The following TASP1 variants were observed in gnomAD, a reference collection of about 807,000 sequenced individuals.
The protein encoded by TASP1 is taspase 1.
In TASP1, 16 loss-of-function variants were observed where a neutral mutation model predicts 56.6. The observed-to-expected ratio is 0.28, with a 90% CI of 0.19 to 0.43. The LOEUF (loss-of-function observed/expected upper bound fraction) is 0.43, where lower values mean the gene tolerates loss of function less well. TASP1 is among the 20% of genes least tolerant of loss of function. TASP1 has a pLI of 1.00. For synonymous variants in TASP1, 179 were observed against 184.2 expected, an observed-to-expected ratio of 0.97 and a Z score of 0.23; for missense variants, 393 against 511.6, an observed-to-expected ratio of 0.77 and a Z score of 2.24.
At chr20:13,530,762 C>T (rs2045189687) in intron 9 of TASP1, among the ~76,000 whole-genome samples, 1 of 152,076 alleles carries the variant, frequency 6.6e-6, no homozygotes, top group South Asian at 2.1e-4. Context: ...TCTTCTTAAC[C>T]TTCTGAAATT....
rs1464675576 is a variant in TASP1 at position 13,390,316 on chromosome 20, G to A, written c.*44C>T. Reference sequence around the variant, plus strand: ...TCAGTTAAAAACCCCCAAAAGCTCAGGTTCTGAAATGCCTCTGAGACGCTT... The same window carrying A: ...TCAGTTAAAAACCCCCAAAAGCTCAAGTTCTGAAATGCCTCTGAGACGCTT... On this transcript the variant is annotated 3_prime_UTR_variant, in exon 14 of 14. Transcript: ENST00000337743. 1.3e-6 allele frequency: 2 copies of A among 1,566,952 alleles called. No homozygotes were observed. The highest frequency in any genetic ancestry group is 8.8e-7 in the Non-Finnish European group (1 of 1,141,822).
At chr20:13,480,761 A>G (rs1043294623) in intron 11 of TASP1, among the ~76,000 whole-genome samples, 4 of 152,204 alleles carry the variant, frequency 2.6e-5, no homozygotes, top group African/African-American at 9.7e-5. Context: ...ATGTGCCATA[A>G]TTACACATCC....
the TASP1 span, among the ~76,000 whole-genome samples, chr20:13,236,582 A>G: frequency 2.0e-5 from 3 of 152,206 alleles, no homozygotes; most frequent in Admixed American, 6.5e-5. Flanking sequence ...TCCACAGTCC[A>G]AAGTCTCATC....
chr20:13,374,176 T>C, the TASP1 span, among the ~76,000 whole-genome samples: 83 of 152,314 alleles, frequency 5.4e-4, no homozygotes, highest in African/African-American at 1.8e-3. Context: ...TTTTAAAAAT[T>C]CTTTGAGCAT....
intron 13 of TASP1, chr20:13,392,956 A>T (rs747912948): frequency 1.3e-5 from 8 of 604,782 alleles, no homozygotes; most frequent in Non-Finnish European, 2.5e-5. Context: ...TGCTGAGTAC[A>T]TTATGGAGCC....
chr20:13,377,840 G>C, the TASP1 span, among the ~76,000 whole-genome samples: 1 of 152,144 alleles, frequency 6.6e-6, no homozygotes, highest in Non-Finnish European at 1.5e-5. Flanking sequence ...ATTTCTTCTA[G>C]ATTTGCTAGT....
the TASP1 span, among the ~76,000 whole-genome samples, chr20:13,295,130 C>T: frequency 6.6e-6 from 1 of 152,208 alleles, no homozygotes; most frequent in Non-Finnish European, 1.5e-5. Flanking sequence ...GCTGGAGTCA[C>T]TGCTGATGTC....
the TASP1 span, among the ~76,000 whole-genome samples, chr20:13,143,304 C>T: frequency 1.3e-5 from 2 of 151,966 alleles, no homozygotes; most frequent in Non-Finnish European, 2.9e-5. Context: ...TAATAGTTTT[C>T]AATATTTGTG....
chr20:13,407,327 T>C (rs2041960508), intron 13 of TASP1, among the ~76,000 whole-genome samples: 1 of 152,206 alleles, frequency 6.6e-6, no homozygotes, highest in African/African-American at 2.4e-5. Context: ...AATCATACAC[T>C]ATGTGGCCAT....
intron 11 of TASP1, among the ~76,000 whole-genome samples, chr20:13,480,625 A>G (rs995426449): frequency 6.6e-6 from 1 of 152,202 alleles, no homozygotes; most frequent in African/African-American, 2.4e-5. Flanking sequence ...ATACGAAGCA[A>G]CAGAAAAGAG....
At chr20:13,576,350 A>AAAGG (rs993321970) in intron 6 of TASP1, among the ~76,000 whole-genome samples, 4 of 94,814 alleles carry the variant, frequency 4.2e-5, no homozygotes, top group East Asian at 5.5e-4. Flanking sequence ...AGGAAGAAAG[A>AAAGG]AAGAAAGAAA....
At chr20:13,204,948 C>T in the TASP1 span, among the ~76,000 whole-genome samples, 2 of 152,102 alleles carry the variant, frequency 1.3e-5, no homozygotes, top group East Asian at 3.9e-4. Context: ...CCCCTCAGGC[C>T]CAGACTCCCC....
intron 1 of TASP1, among the ~76,000 whole-genome samples, chr20:13,634,245 A>C (rs1240470393): frequency 6.6e-6 from 1 of 152,256 alleles, no homozygotes; most frequent in Non-Finnish European, 1.5e-5. Context: ...ATGTCATTAA[A>C]GAATATTGAA....
intron 3 of TASP1, 140 bp from the exon 4 acceptor site, chr20:13,623,654 C>T: frequency 3.5e-6 from 2 of 576,036 alleles, no homozygotes; most frequent in Non-Finnish European, 6.2e-6. Flanking sequence ...ACATAAACTA[C>T]TCAGATTAAA....
chr20:13,384,952 G>A (rs370812159), downstream of TASP1, among the ~76,000 whole-genome samples: 857 of 152,292 alleles, frequency 5.6e-3, 2 homozygotes, highest in Middle Eastern at 0.01. Flanking sequence ...TGGGTTTTGC[G>A]GGCAGAGGGG....
At chr20:13,619,558 T>C (rs2147505911) in intron 4 of TASP1, among the ~76,000 whole-genome samples, 1 of 152,312 alleles carries the variant, frequency 6.6e-6, no homozygotes, top group South Asian at 2.1e-4. Context: ...CCCAGTTCTA[T>C]ATCCAATTTT....
At chr20:13,596,746 T>A (rs978446178) in intron 4 of TASP1, among the ~76,000 whole-genome samples, 1 of 152,164 alleles carries the variant, frequency 6.6e-6, no homozygotes, top group African/African-American at 2.4e-5. Flanking sequence ...ATCCAGGAGC[T>A]GGTTTTTTGA....
rs181548751 is a variant in TASP1, at chr20:13,610,120, T to C, written c.282+13326A>G. On this transcript the variant is annotated intron_variant, in intron 4 of 13. Coordinates refer to ENST00000337743, the MANE Select transcript of TASP1 (RefSeq NM_017714.3). ...CCACAAGGGGGAAAGGATAAAAGAA[T>C]GAAGAGCAACTGCTTGATGAGTATG... is the stretch of plus-strand genomic sequence containing the variant. Among the ~76,000 whole-genome samples the C allele has an allele frequency of 7.9e-5, 12 of 152,276 alleles. No homozygotes were observed. In the East Asian group the frequency reaches 1.7e-3, roughly 22 times the overall value.
the TASP1 span, among the ~76,000 whole-genome samples, chr20:13,265,650 G>C: frequency 1.5e-3 from 230 of 152,208 alleles, 3 homozygotes; most frequent in East Asian, 0.037. Flanking sequence ...CTTTTGGTGA[G>C]GAAAAACCTC....
Sources: gnomAD v4.1 joint callset for allele counts (sites outside exome capture counted in the v4.1 genomes callset) on GRCh38, gnomAD v4.1.1 for gene constraint, MANE v1.5 for transcripts, NCBI Gene and HGNC (gene_info 2026-07-23, HGNC 2026-07-21) for gene names.